SPATA22: variants seen among roughly 807,000 people sequenced by gnomAD.
SPATA22 encodes the protein spermatogenesis associated 22.
Under a neutral mutation model 47.8 loss-of-function variants are expected in SPATA22, and 29 were observed. The ratio of observed to expected loss-of-function variants is 0.61; its 90% CI spans 0.45 to 0.83. SPATA22 has a LOEUF of 0.83. Ranked by LOEUF, SPATA22 falls within the 40% of genes least tolerant of loss-of-function variation. The probability of loss-of-function intolerance (pLI) is 0.00; values close to 1 mark genes in which losing one functional copy is unlikely to be tolerated. For synonymous variants in SPATA22, 133 were observed against 140.9 expected (o/e 0.94, Z 0.40); for missense variants, 410 against 421.7 (o/e 0.97, Z 0.24).
chr17:3,505,231 C>G (rs565668259), intron 1 of SPATA22, among the ~76,000 whole-genome samples: 6 of 152,330 alleles, frequency 3.9e-5, no homozygotes, highest in Admixed American at 3.9e-4. Flanking sequence ...GGCACTTACC[C>G]AAATTGCAAC....
chr17:3,454,998 G>A (rs2150710907), intron 5 of SPATA22, among the ~76,000 whole-genome samples: 1 of 151,988 alleles, frequency 6.6e-6, no homozygotes, highest in Non-Finnish European at 1.5e-5. Context: ...CATTCTAACT[G>A]GTGTGAGATG....
chr17:3,506,821 G>T (rs910866550), intron 1 of SPATA22, among the ~76,000 whole-genome samples: 1 of 152,246 alleles, frequency 6.6e-6, no homozygotes, highest in East Asian at 1.9e-4. Context: ...GGTGCCTGTA[G>T]TCCCAGCTAC....
chr17:3,443,813 T>C (rs1202229910), intron 7 of SPATA22, among the ~76,000 whole-genome samples: 2 of 151,900 alleles, frequency 1.3e-5, no homozygotes, highest in Non-Finnish European at 2.9e-5. Context: ...TATACCTATA[T>C]ATAGTGAAAT....
chr17:3,463,041 C>A (rs985198974), intron 3 of SPATA22, among the ~76,000 whole-genome samples: 5 of 152,168 alleles, frequency 3.3e-5, no homozygotes, highest in African/African-American at 9.7e-5. Context: ...AACTTTGTAA[C>A]ATGAATTTCA....
At chr17:3,506,995 G>GAAGA (rs397743754) in intron 1 of SPATA22, among the ~76,000 whole-genome samples, 38 of 150,826 alleles carry the variant, frequency 2.5e-4, no homozygotes, top group African/African-American at 9.0e-4. Context: ...GAGAAGGAAG[G>GAAGA]GAGGGAGGAA....
chr17:3,467,083 C>G (rs1049886447), intron 3 of SPATA22, among the ~76,000 whole-genome samples: 2 of 152,192 alleles, frequency 1.3e-5, no homozygotes, highest in African/African-American at 4.8e-5. Context: ...ACTCCTGAGG[C>G]AATTCAAGTG....
At position 3,458,651 on chromosome 17, in the gene SPATA22, T is replaced by TG. The variant is rs559070199; in HGVS notation, c.329+3831dup. On this transcript the variant is annotated intron_variant, in intron 5 of 8. Coordinates refer to ENST00000572969, the MANE Select transcript of SPATA22 (RefSeq NM_001170698.2). The stretch of plus-strand genomic sequence containing the variant: ...TGAGGTCAGGAGTTGGAGACCAGCC[T>TG]GGCCAACATGGTGAAACCCCATCTC... Among the ~76,000 whole-genome samples, 26 of 152,060 alleles carry TG rather than the reference T, an allele frequency of 1.7e-4. No homozygotes were observed. In the South Asian group the frequency reaches 5.0e-3, roughly 29 times the overall value.
In SPATA22 at chr17:3,467,458, G is replaced by C; in HGVS notation, c.140C>G (p.Ser47Cys). 1 of 1,606,466 alleles carries C rather than the reference G, an allele frequency of 6.2e-7. No homozygotes were observed. The highest frequency in any genetic ancestry group is 8.5e-7 in the Non-Finnish European group (1 of 1,176,782). The change falls in exon 3 of 9, where the codon TCT (serine) becomes TGT (cysteine). Residue 47 changes from serine (S) to cysteine (C), a missense_variant. Ser to Cys is a moderately radical substitution (Grantham distance 112). Coordinates refer to ENST00000572969, the MANE Select transcript of SPATA22 (RefSeq NM_001170698.2). ...TAGAGGAGGAAAATCATAATTGTCA[G>C]AAGGGGTACTGATACCTGAATCATC... ...LKDDSGISTP[S>C]DNYDFPPLPT...
At chr17:3,471,956 G>A (rs1301579250), upstream of SPATA22, 2 of 710,096 alleles carry the variant, frequency 2.8e-6, no homozygotes, top group Admixed American at 6.3e-5. Context: ...CTCACACTGT[G>A]GACCCAGGGA....
At chr17:3,481,635 T>C (rs2073629715) in intron 1 of SPATA22, 3 of 1,613,802 alleles carry the variant, frequency 1.9e-6, no homozygotes, top group East Asian at 4.5e-5. Context: ...CCATATGAAG[T>C]GAGAAGGGCT....
chr17:3,451,028 T>A (rs2072847330), intron 5 of SPATA22, among the ~76,000 whole-genome samples: 3 of 152,138 alleles, frequency 2.0e-5, no homozygotes, highest in Non-Finnish European at 4.4e-5. Flanking sequence ...AGAGGCTGAG[T>A]GGATTAAAGA....
intron 3 of SPATA22, among the ~76,000 whole-genome samples, chr17:3,465,575 A>G (rs1265863081): frequency 1.3e-5 from 2 of 151,464 alleles, no homozygotes; most frequent in Admixed American, 1.3e-4. Context: ...CAGATGCTTG[A>G]AGGCAGCATG....
intron 5 of SPATA22, among the ~76,000 whole-genome samples, chr17:3,456,738 A>G (rs1210863410): frequency 2.0e-5 from 3 of 151,882 alleles, no homozygotes; most frequent in African/African-American, 7.3e-5. Flanking sequence ...GGGCAGAGAC[A>G]CAACAAAAAA....
At chr17:3,510,764 G>C (rs984404895) in intron 1 of SPATA22, 2 of 152,200 alleles carry the variant, frequency 1.3e-5, no homozygotes, top group African/African-American at 4.8e-5. Flanking sequence ...TACAGGCCCG[G>C]ATGACGGCCC....
At chr17:3,508,873 A>C (rs2074070433) in intron 1 of SPATA22, among the ~76,000 whole-genome samples, 2 of 144,208 alleles carry the variant, frequency 1.4e-5, no homozygotes, top group Non-Finnish European at 3.0e-5. Context: ...CACATCGTAC[A>C]CATGTACCCT....
At position 3,492,681 on chromosome 17, in the gene SPATA22, G is replaced by A. The variant is rs533084486; in HGVS notation, c.-74+20731C>T. The stretch of plus-strand genomic sequence containing the variant: ...ACCATTATGTACAACAGCCCACATT[G>A]GCCTGCTGGATAATGAAAGCCTTTG... On this transcript the variant is annotated intron_variant, in intron 1 of 8. Transcript: ENST00000541913. 2.0e-3 allele frequency among the ~76,000 whole-genome samples: 312 copies of A among 152,248 alleles called. 2 individuals carry two copies. The highest frequency in any genetic ancestry group is 7.3e-3 in the African/African-American group (302 of 41,538).
chr17:3,465,640 TGC>T (rs1349679375), intron 3 of SPATA22, among the ~76,000 whole-genome samples: 1 of 151,160 alleles, frequency 6.6e-6, no homozygotes, highest in Admixed American at 6.6e-5. Context: ...ACACAAACAC[TGC>T]GGAAGGCCGC....
chr17:3,489,778 T>C (rs1219904765), intron 1 of SPATA22, among the ~76,000 whole-genome samples: 8 of 152,168 alleles, frequency 5.3e-5, no homozygotes, highest in Non-Finnish European at 1.2e-4. Flanking sequence ...AACATATAAG[T>C]TGGTAAAGAC....
At chr17:3,505,700 A>G (rs2074033928) in intron 1 of SPATA22, among the ~76,000 whole-genome samples, 1 of 151,988 alleles carries the variant, frequency 6.6e-6, no homozygotes, top group Admixed American at 6.6e-5. Context: ...TCCGACAAAA[A>G]CAGAGTCTGG....
Sources: gnomAD v4.1 joint callset for allele counts (sites outside exome capture counted in the v4.1 genomes callset) on GRCh38, gnomAD v4.1.1 for gene constraint, MANE v1.5 for transcripts, NCBI Gene and HGNC (gene_info 2026-07-23, HGNC 2026-07-21) for gene names.